The following CEP128 variants were observed in gnomAD, a reference collection of about 807,000 sequenced individuals.
The protein encoded by CEP128 is centrosomal protein 128, also known as centrosomal protein 128kDa.
Under a neutral mutation model 156.7 loss-of-function variants are expected in CEP128, and 132 were observed. That is an observed-to-expected ratio of 0.84 (90% CI 0.73 to 0.97). CEP128 has a LOEUF of 0.97. Ranked by LOEUF, CEP128 falls within the 50% of genes least tolerant of loss-of-function variation. The pLI is 0.00. For synonymous variants in CEP128, 469 were observed against 448.9 expected (o/e 1.04, Z -0.57); for missense variants, 1,252 against 1,281.9 (o/e 0.98, Z 0.36).
intron 19 of CEP128, among the ~76,000 whole-genome samples, chr14:80,691,807 A>G (rs1896728998): frequency 6.6e-6 from 1 of 152,236 alleles, no homozygotes; most frequent in South Asian, 2.1e-4. Context: ...GTTTTTAAGT[A>G]TCTTATATTT....
intron 19 of CEP128, among the ~76,000 whole-genome samples, chr14:80,602,902 A>T (rs1486581694): frequency 2.0e-5 from 3 of 152,242 alleles, no homozygotes; most frequent in Non-Finnish European, 4.4e-5. Flanking sequence ...CATAGAAATT[A>T]AAAAACATAC....
At chr14:80,844,200 A>T (rs1282188052) in intron 9 of CEP128, among the ~76,000 whole-genome samples, 2 of 152,042 alleles carry the variant, frequency 1.3e-5, no homozygotes, top group African/African-American at 4.8e-5. Context: ...GGCAAAAAAA[A>T]ACAAAACAAC....
intron 4 of CEP128, among the ~76,000 whole-genome samples, chr14:80,906,820 A>T (rs889572426): frequency 6.6e-6 from 1 of 152,216 alleles, no homozygotes; most frequent in African/African-American, 2.4e-5. Flanking sequence ...CTAAGACCCA[A>T]GGGAAAAAAA....
At chr14:80,518,946 C>G (rs1166772142) in intron 23 of CEP128, among the ~76,000 whole-genome samples, 3 of 152,088 alleles carry the variant, frequency 2.0e-5, no homozygotes, top group Admixed American at 2.0e-4. Flanking sequence ...TCCTCTAATT[C>G]TATACTGATA....
intron 2 of CEP128, among the ~76,000 whole-genome samples, chr14:80,936,142 G>A (rs1381931637): frequency 1.7e-4 from 26 of 152,198 alleles, no homozygotes; most frequent in Admixed American, 1.7e-3. Context: ...ATTCATTCAT[G>A]AGCACATTCG....
chr14:80,767,865 T>C (rs1230471774), intron 16 of CEP128, among the ~76,000 whole-genome samples: 1 of 152,132 alleles, frequency 6.6e-6, no homozygotes, highest in Non-Finnish European at 1.5e-5. Context: ...CTATAACCTC[T>C]AAAATTTAAA....
intron 19 of CEP128, among the ~76,000 whole-genome samples, chr14:80,653,576 G>A (rs909078641): frequency 1.3e-5 from 2 of 152,114 alleles, no homozygotes; most frequent in Non-Finnish European, 2.9e-5. Context: ...CTAGAAAGGA[G>A]AAGTCGATGC....
intron 21 of CEP128, among the ~76,000 whole-genome samples, chr14:80,534,743 T>C (rs1373541560): frequency 7.6e-6 from 1 of 131,656 alleles, no homozygotes; most frequent in Non-Finnish European, 1.6e-5. Context: ...GAGAATGGAG[T>C]GAACCTGGGA....
intron 7 of CEP128, among the ~76,000 whole-genome samples, chr14:80,897,291 A>G (rs1358713166): frequency 1.3e-5 from 2 of 152,056 alleles, no homozygotes; most frequent in East Asian, 1.9e-4. Context: ...TAAGATTCCT[A>G]AATATTATAA....
intron 19 of CEP128, among the ~76,000 whole-genome samples, chr14:80,740,751 C>T (rs1898791148): frequency 6.6e-6 from 1 of 152,120 alleles, no homozygotes; most frequent in Non-Finnish European, 1.5e-5. Flanking sequence ...AGATAACTCC[C>T]TAACAAAGAA....
intron 19 of CEP128, among the ~76,000 whole-genome samples, chr14:80,616,135 T>C (rs1566813056): frequency 6.6e-6 from 1 of 152,226 alleles, no homozygotes. Flanking sequence ...GACAGCTGCG[T>C]CTCTCATATA....
At chr14:80,938,769 A>C (rs1181748693) in intron 2 of CEP128, among the ~76,000 whole-genome samples, 1 of 152,234 alleles carries the variant, frequency 6.6e-6, no homozygotes, top group Non-Finnish European at 1.5e-5. Flanking sequence ...CAATAATAAT[A>C]TAAGGACCAC....
intron 19 of CEP128, among the ~76,000 whole-genome samples, chr14:80,720,019 T>C (rs1189625758): frequency 1.3e-5 from 2 of 151,878 alleles, no homozygotes; most frequent in African/African-American, 2.4e-5. Flanking sequence ...TTAGATTGGG[T>C]AATGGAGCAA....
intron 23 of CEP128, among the ~76,000 whole-genome samples, chr14:80,509,515 G>C (rs1387098789): frequency 3.3e-5 from 5 of 152,154 alleles, no homozygotes; most frequent in Non-Finnish European, 7.4e-5. Flanking sequence ...AGTTGTTTGA[G>C]TTCCTTATGT....
intron 19 of CEP128, among the ~76,000 whole-genome samples, chr14:80,625,526 A>C (rs567132730): frequency 6.6e-6 from 1 of 152,198 alleles, no homozygotes; most frequent in East Asian, 1.9e-4. Context: ...GTTGCACTGC[A>C]TCTGTAGATT....
chr14:80,601,651 T>C (rs1892586596), intron 19 of CEP128, among the ~76,000 whole-genome samples: 2 of 152,196 alleles, frequency 1.3e-5, no homozygotes, highest in South Asian at 2.1e-4. Context: ...AGCACGTTAC[T>C]GTACAGCATG....
At chr14:80,600,751 T>C (rs1892546757) in intron 19 of CEP128, among the ~76,000 whole-genome samples, 2 of 152,182 alleles carry the variant, frequency 1.3e-5, no homozygotes, top group South Asian at 4.1e-4. Context: ...TTTTTCTTTG[T>C]AACTCCTTTT....
intron 20 of CEP128, among the ~76,000 whole-genome samples, chr14:80,562,946 G>A (rs1890751671): frequency 6.6e-6 from 1 of 151,758 alleles, no homozygotes; most frequent in Non-Finnish European, 1.5e-5. Context: ...TTACAGGCAT[G>A]AACCACCACA....
chr14:80,657,926 T>G (rs1895243023), intron 19 of CEP128, among the ~76,000 whole-genome samples: 1 of 152,196 alleles, frequency 6.6e-6, no homozygotes. Flanking sequence ...AAAAACCTTT[T>G]TTGAAGGCAA....
Sources: gnomAD v4.1 joint callset for allele counts (sites outside exome capture counted in the v4.1 genomes callset) on GRCh38, gnomAD v4.1.1 for gene constraint, MANE v1.5 for transcripts, NCBI Gene and HGNC (gene_info 2026-07-23, HGNC 2026-07-21) for gene names.